Variants in OTOF observed in about 807,000 individuals in gnomAD.
The protein encoded by OTOF is fer-1-like family member 2.
In OTOF, 218 loss-of-function variants were observed where a neutral mutation model predicts 236.8. That is an observed-to-expected ratio of 0.92 (90% CI 0.82 to 1.03). The LOEUF (loss-of-function observed/expected upper bound fraction) is 1.03. Among genes scored for constraint, OTOF ranks in the 50% least tolerant of loss-of-function variants. OTOF has a pLI of 0.00. For missense variants in OTOF, 2,590 were observed against 2,694.4 expected (o/e 0.96, Z 0.86); for synonymous variants, 1,041 against 1,072.5 (o/e 0.97, Z 0.57).
intron 3 of OTOF, among the ~76,000 whole-genome samples, chr2:26,523,173 G>A (rs1666718952): frequency 6.6e-6 from 1 of 152,256 alleles, no homozygotes; most frequent in African/African-American, 2.4e-5. Flanking sequence ...GGAGGCTGGA[G>A]GCCAGGCCAT....
intron 5 of OTOF, among the ~76,000 whole-genome samples, chr2:26,504,235 C>T (rs921739941): frequency 1.3e-5 from 2 of 152,180 alleles, no homozygotes; most frequent in East Asian, 1.9e-4. Flanking sequence ...AGTGTCCCCA[C>T]GCTCATCCTC....
At chr2:26,510,680 G>C in intron 5 of OTOF, 1 of 1,284,500 alleles carries the variant, frequency 7.8e-7, no homozygotes, top group South Asian at 1.2e-5. Flanking sequence ...ACGCTGTTGC[G>C]TCTGCCCTCG....
intron 5 of OTOF, chr2:26,510,607 C>T: frequency 1.3e-6 from 1 of 758,984 alleles, no homozygotes; most frequent in Non-Finnish European, 1.9e-6. Flanking sequence ...CTCCTGAGCC[C>T]TCTCAGCCGA....
chr2:26,486,666 A>G (rs1331252556), intron 11 of OTOF, among the ~76,000 whole-genome samples: 2 of 152,228 alleles, frequency 1.3e-5, no homozygotes, highest in Non-Finnish European at 2.9e-5. Flanking sequence ...AAGTGAAGAT[A>G]TCTAAAATAA....
rs1469494270 is a variant in OTOF at position 26,462,975 on chromosome 2, C to T, written c.5192+508G>A. On this transcript the variant is annotated intron_variant, in intron 41 of 46. Coordinates refer to ENST00000272371, the MANE Select transcript of OTOF (RefSeq NM_194248.3). The surrounding 1 kb of genome is among the most constrained non-coding windows in gnomAD (Gnocchi z 4.7). ...TCTACCACCTCCTGCCTCTTCCAGG[C>T]ACTCACTCCTGGATTCATCACTGGC... Among the ~76,000 whole-genome samples the T allele has an allele frequency of 1.3e-5, 2 of 152,190 alleles. No individual in the cohort carries two copies. The highest frequency in any genetic ancestry group is 2.4e-5 in the African/African-American group (1 of 41,460).
chr2:26,551,426 T>A (rs1299824424), intron 1 of OTOF, among the ~76,000 whole-genome samples: 2 of 152,232 alleles, frequency 1.3e-5, no homozygotes, highest in Non-Finnish European at 2.9e-5. Flanking sequence ...TGCTCCTCCC[T>A]CCCTTCCCAT....
intron 5 of OTOF, among the ~76,000 whole-genome samples, chr2:26,510,395 G>A (rs543525970): frequency 6.6e-6 from 1 of 152,160 alleles, no homozygotes; most frequent in South Asian, 2.1e-4. Flanking sequence ...AAGCCCGAAG[G>A]CCACAGGATG....
chr2:26,502,205 C>G (rs1199661777), intron 7 of OTOF, 95 bp downstream of exon 7: 1 of 1,364,192 alleles, frequency 7.3e-7, no homozygotes, highest in Admixed American at 1.8e-5. Flanking sequence ...GTCCATGAGC[C>G]CTGATTCTTC....
chr2:26,480,418 G>T, intron 15 of OTOF, 107 bp from the exon 16 acceptor site: 1 of 766,434 alleles, frequency 1.3e-6, no homozygotes, highest in Admixed American at 1.9e-5. Flanking sequence ...GATGGTGGGG[G>T]CATCCCACCC....
intron 3 of OTOF, among the ~76,000 whole-genome samples, chr2:26,521,505 C>T (rs192798839): frequency 4.7e-4 from 72 of 152,336 alleles, no homozygotes; most frequent in African/African-American, 1.6e-3. Flanking sequence ...CCTTGTCCAG[C>T]GCCCCTTCCA....
intron 5 of OTOF, among the ~76,000 whole-genome samples, chr2:26,514,616 A>C (rs973921734): frequency 7.2e-5 from 11 of 152,220 alleles, no homozygotes; most frequent in African/African-American, 2.7e-4. Context: ...CGGAGCATCC[A>C]TGGGTCCCTT....
In OTOF at chr2:26,460,933, G is replaced by A. The variant is rs779430342; in HGVS notation, c.5631C>T (p.Leu1877=). The stretch of plus-strand genomic sequence containing the variant: ...CGCGCTTTTGCTTGAAGATGGACAC[G>A]AGGGGCACGTCCACCTCCCCGGTGG... ...EMATGEVDVP[L]VSIFKQKRVK... Residue 1877 remains leucine (L), a synonymous_variant, in exon 44 of 47, where the codon CTC becomes CTT. Coordinates refer to ENST00000272371, the MANE Select transcript of OTOF (RefSeq NM_194248.3). The surrounding 1 kb of genome is among the most constrained non-coding windows in gnomAD (Gnocchi z 5.3). 10 of 1,613,978 alleles carry A rather than the reference G, an allele frequency of 6.2e-6. No homozygotes were observed. The highest frequency in any genetic ancestry group is 2.2e-5 in the East Asian group (1 of 44,884).
chr2:26,556,626 G>T (rs1486593105), intron 1 of OTOF, among the ~76,000 whole-genome samples: 3 of 152,248 alleles, frequency 2.0e-5, no homozygotes, highest in Non-Finnish European at 4.4e-5. Context: ...GAAGATGGGT[G>T]TCAGACAAGG....
chr2:26,537,418 T>C lies in OTOF; in HGVS notation c.138+298A>G, dbSNP rs544493835. Among the ~76,000 whole-genome samples the C allele has an allele frequency of 3.9e-5, 6 of 152,284 alleles. No individual in the cohort carries two copies. The East Asian group carries it at 7.7e-4, about 20-fold the overall frequency. ...GTCTACAGCACCTGTGGGCTCTTTC[T>C]CCACAGGGAATAACAGGCCCAGACC... On this transcript the variant is annotated intron_variant, in intron 2 of 46. Transcript: ENST00000272371.
chr2:26,535,484 A>G (rs1313560188), intron 2 of OTOF, among the ~76,000 whole-genome samples: 2 of 151,836 alleles, frequency 1.3e-5, no homozygotes, highest in Admixed American at 6.6e-5. Context: ...CTTGCTCCCC[A>G]CCCCACTAAA....
chr2:26,516,565 G>A lies in OTOF; in HGVS notation c.362C>T (p.Thr121Ile), dbSNP rs1558510030. The part of the protein sequence containing the change: ...SLCVEVRYQA[T>I]DGTVGSWDDG... ...GTCCCAGGAGCCCACTGTGCCGTCAGTGGCCTGATACCGGACCTCCACGCA... is the reference window on the plus strand; with the variant it reads ...GTCCCAGGAGCCCACTGTGCCGTCAATGGCCTGATACCGGACCTCCACGCA... Residue 121 changes from threonine to isoleucine, a missense_variant, in exon 5 of 47, where the codon ACT (threonine) becomes ATT (isoleucine). Physicochemically the swap from Thr to Ile is moderately conservative, Grantham distance 89. Coordinates refer to ENST00000272371, the MANE Select transcript of OTOF (RefSeq NM_194248.3). The A allele has an allele frequency of 6.2e-7, 1 of 1,610,214 alleles. No individual in the cohort carries two copies. Among genetic ancestry groups the A allele is most frequent in the Non-Finnish European group, 8.5e-7 (1 of 1,179,986 alleles).
chr2:26,489,729 G>A lies in OTOF; in HGVS notation c.909C>T (p.Phe303=), dbSNP rs369727158. The change falls in exon 10 of 47, where the codon TTC becomes TTT. Residue 303 remains phenylalanine (F), a synonymous_variant. Coordinates refer to ENST00000272371, the MANE Select transcript of OTOF (RefSeq NM_194248.3). ...NCPYYNEYFV[F]DFHVSPDVMF... ...TGACATCCGGAGAGACATGGAAGTC[G>A]AAGACGAAGTACTGGAGGGGGAAGG... The A allele has an allele frequency of 5.0e-6, 8 of 1,612,600 alleles. No individual in the cohort carries two copies. In the African/African-American group the frequency reaches 5.3e-5, roughly 11 times the overall value.
chr2:26,457,729 T>C lies in OTOF; in HGVS notation c.*509A>G. The C allele has an allele frequency of 5.2e-6, 2 of 384,858 alleles. No individual in the cohort carries two copies. The highest frequency in any genetic ancestry group is 4.6e-5 in the East Asian group (1 of 21,666). The allele number at this position is 384,858 out of a possible 1,614,324, so 23.8% of individuals were successfully genotyped here. Reference sequence around the variant, plus strand: ...GAAGACCTGGGGAGGGTTTCAGGAGTCTTCCTCTGGAGCCTGGGCCTGAAG... The same window carrying C: ...GAAGACCTGGGGAGGGTTTCAGGAGCCTTCCTCTGGAGCCTGGGCCTGAAG... On this transcript the variant is annotated 3_prime_UTR_variant, in exon 47 of 47. Transcript: ENST00000272371. The surrounding 1 kb of genome is among the most constrained non-coding windows in gnomAD (Gnocchi z 4.4).
rs1156799849 is a variant in OTOF, at chr2:26,516,411, C to T, written c.509+7G>A. The stretch of plus-strand genomic sequence containing the variant: ...CAGTGGGCAGCCAGAGGGGTCCTGC[C>T]TGTTACCTCCGGAAGCTCTTCTCTC... On this transcript the variant is annotated splice_region_variant and intron_variant, in intron 5 of 46. Coordinates refer to ENST00000272371, the MANE Select transcript of OTOF (RefSeq NM_194248.3). 1 of 1,612,940 alleles carries T rather than the reference C, an allele frequency of 6.2e-7. No homozygotes were observed. The highest frequency in any genetic ancestry group is 8.5e-7 in the Non-Finnish European group (1 of 1,179,318).
Sources: allele counts gnomAD v4.1 joint callset (sites outside exome capture counted in the v4.1 genomes callset), GRCh38; gene constraint gnomAD v4.1.1; non-coding constraint Gnocchi (gnomAD v3.1); transcripts MANE v1.5; gene names NCBI Gene and HGNC (gene_info 2026-07-23, HGNC 2026-07-21).